The following PSMB9 variants were observed in gnomAD, a reference collection of about 807,000 sequenced individuals.
PSMB9 encodes the protein proteasome 20S subunit beta 9, also known as proteasome subunit beta type-9.
PSMB9 carries 16 observed loss-of-function variants against 26.9 expected under a neutral mutation model. The ratio of observed to expected loss-of-function variants is 0.59; its 90% CI spans 0.40 to 0.90. The LOEUF is 0.90. Ranked by LOEUF, PSMB9 falls within the 40% of genes least tolerant of loss-of-function variation. The pLI is 0.00. For synonymous variants in PSMB9, 91 were observed against 112.0 expected, an observed-to-expected ratio of 0.81 and a Z score of 1.18; for missense variants, 253 against 292.2, an observed-to-expected ratio of 0.87 and a Z score of 0.98.
intron 2 of PSMB9, chr6:32,856,436 A>T (rs1771164686): frequency 2.0e-6 from 1 of 506,728 alleles, no homozygotes; most frequent in South Asian, 3.0e-5. Context: ...GTGTACAGGG[A>T]TGAGTAAAGG....
Position 32,859,668 on chromosome 6 carries a change from C to A in PSMB9, c.*136C>A. The A allele has an allele frequency of 2.0e-6, 2 of 1,001,588 alleles. No homozygotes were observed. Among genetic ancestry groups the A allele is most frequent in the Non-Finnish European group, 2.9e-6 (2 of 692,680 alleles). The allele number at this position is 1,001,588 out of a possible 1,614,324, so 62.0% of individuals were successfully genotyped here. A position where few individuals can be genotyped will look rare whatever the true frequency, so the allele number is the denominator to read the frequency against. ...TGCTTCCCTCCTAGATGTCAGCATA[C>A]ACTCTTTCTTCTTTTGTCCCAGGTC... On this transcript the variant is annotated 3_prime_UTR_variant, in exon 6 of 6. Coordinates refer to ENST00000374859, the MANE Select transcript of PSMB9 (RefSeq NM_002800.5).
intron 1 of PSMB9, among the ~76,000 whole-genome samples, chr6:32,855,685 T>C (rs1771127044): frequency 6.7e-6 from 1 of 148,238 alleles, no homozygotes; most frequent in Non-Finnish European, 1.5e-5. Context: ...GAGTGGAGGA[T>C]TGTGGACCAA....
intron 2 of PSMB9, chr6:32,856,538 A>G (rs1771169141): frequency 7.0e-6 from 2 of 284,168 alleles, no homozygotes; most frequent in East Asian, 6.4e-5. Context: ...TGTCAAGCAG[A>G]TACCTGGTTT....
Position 32,858,233 on chromosome 6 carries a change from A to C in PSMB9, c.390+99A>C. ...CATTCTAGCAATGAGTTCCAAGGACACTACCTCTGAAAGCATAGTACTTTG... is the reference window on the plus strand; with the variant it reads ...CATTCTAGCAATGAGTTCCAAGGACCCTACCTCTGAAAGCATAGTACTTTG... On this transcript the variant is annotated intron_variant, in intron 4 of 5. Coordinates refer to ENST00000374859, the MANE Select transcript of PSMB9 (RefSeq NM_002800.5). The surrounding 1 kb of genome is among the most constrained non-coding windows in gnomAD (Gnocchi z 5.2). The C allele has an allele frequency of 6.3e-7, 1 of 1,593,926 alleles. No homozygotes were observed. Among genetic ancestry groups the C allele is most frequent in the Non-Finnish European group, 8.6e-7 (1 of 1,167,654 alleles).
chr6:32,857,833 C>T (rs1324199543), intron 3 of PSMB9, 172 bp from the exon 4 acceptor site: 16 of 717,854 alleles, frequency 2.2e-5, no homozygotes, highest in Non-Finnish European at 3.4e-5. Context: ...TTGAAAGCTT[C>T]TTACCAGTTG....
Position 32,859,390 on chromosome 6 carries a change from T to C in PSMB9, c.533-15T>C. On this transcript the variant is annotated splice_polypyrimidine_tract_variant and intron_variant, in intron 5 of 5. Coordinates refer to ENST00000374859, the MANE Select transcript of PSMB9 (RefSeq NM_002800.5). Reference sequence around the variant, plus strand: ...ATCCTCTCTCTCCCTCTCTCCAACTTGAAACCCTCTGCAGCTATTGCTCTG... The same window carrying C: ...ATCCTCTCTCTCCCTCTCTCCAACTCGAAACCCTCTGCAGCTATTGCTCTG... 6.2e-7 allele frequency: 1 copy of C among 1,601,604 alleles called. No homozygotes were observed. Among genetic ancestry groups the C allele is most frequent in the Non-Finnish European group, 8.5e-7 (1 of 1,173,842 alleles).
chr6:32,857,611 G>C (rs1403833935), intron 3 of PSMB9: 9 of 550,206 alleles, frequency 1.6e-5, no homozygotes, highest in Non-Finnish European at 2.5e-5. Flanking sequence ...CATTCTATAT[G>C]TGAACACAGT....
chr6:32,858,835 G>A lies in PSMB9; in HGVS notation c.532+330G>A. ...GGATTACTTGAGCCCAGGAGTTTGAGGCCAGCCTAGGCAAGATGGTGAAAC... is the reference window on the plus strand; with the variant it reads ...GGATTACTTGAGCCCAGGAGTTTGAAGCCAGCCTAGGCAAGATGGTGAAAC... On this transcript the variant is annotated intron_variant, in intron 5 of 5. Transcript: ENST00000374859. The surrounding 1 kb of genome is among the most constrained non-coding windows in gnomAD (Gnocchi z 5.2). 1 of 416,338 alleles carries A rather than the reference G, an allele frequency of 2.4e-6. No homozygotes were observed. The allele number at this position is 416,338 out of a possible 1,614,324, so 25.8% of individuals were successfully genotyped here.
At chr6:32,859,238 C>G (rs1255722126) in intron 5 of PSMB9, among the ~76,000 whole-genome samples, 167 bp from the exon 6 acceptor site, 1 of 152,140 alleles carries the variant, frequency 6.6e-6, no homozygotes, top group Non-Finnish European at 1.5e-5. Context: ...ATATGGAAGC[C>G]TTTTTGTAAA....
chr6:32,856,355 G>A, intron 2 of PSMB9, 150 bp downstream of exon 2: 1 of 738,200 alleles, frequency 1.4e-6, no homozygotes, highest in Non-Finnish European at 2.2e-6. Flanking sequence ...AAGCTATTTG[G>A]TGGGTGCTTG....
intron 2 of PSMB9, 150 bp from the exon 3 acceptor site, chr6:32,857,113 T>C (rs776714849): frequency 1.1e-5 from 8 of 730,480 alleles, no homozygotes; most frequent in Non-Finnish European, 1.6e-5. Flanking sequence ...GGCAGGAGAA[T>C]CACTTGAACC....
chr6:32,857,208 A>AC (rs1245135220), intron 2 of PSMB9, 55 bp from the exon 3 acceptor site: 11 of 1,507,204 alleles, frequency 7.3e-6, no homozygotes, highest in Non-Finnish European at 9.7e-6. Flanking sequence ...CAAAAAAAAA[A>AC]AAAAAAAAAA....
chr6:32,857,219 A>AGCC, intron 2 of PSMB9, 44 bp from the exon 3 acceptor site: 1 of 1,486,416 alleles, frequency 6.7e-7, no homozygotes, highest in Non-Finnish European at 8.9e-7. Flanking sequence ...AAAAAAAAAA[A>AGCC]AACCTGAGTT....
intron 2 of PSMB9, 45 bp from the exon 3 acceptor site, chr6:32,857,218 A>AAAAAAAAC: frequency 2.1e-6 from 3 of 1,426,240 alleles, no homozygotes; most frequent in Admixed American, 2.3e-5. Context: ...AAAAAAAAAA[A>AAAAAAAAC]AAACCTGAGT....
At position 32,857,992 on chromosome 6, in the gene PSMB9, A is replaced by T. The variant is rs769325111; in HGVS notation, c.261-13A>T. The T allele has an allele frequency of 1.4e-5, 23 of 1,612,956 alleles. 1 individual carries two copies. Among genetic ancestry groups the T allele is most frequent in the Admixed American group, 3.3e-5 (2 of 60,006 alleles). On this transcript the variant is annotated splice_polypyrimidine_tract_variant and intron_variant, in intron 3 of 5. Transcript: ENST00000374859. ...AAAATTCTATCAACCTTTATTCCTA[A>T]TATTTCCCTCAGGATAGAACTGGAG...
At position 32,854,371 on chromosome 6, in the gene PSMB9, G is replaced by C; in HGVS notation, c.60+82G>C. 1.5e-6 allele frequency: 2 copies of C among 1,345,216 alleles called. No homozygotes were observed. Among genetic ancestry groups the C allele is most frequent in the Non-Finnish European group, 2.0e-6 (2 of 1,016,594 alleles). The allele number at this position is 1,345,216 out of a possible 1,614,324, so 83.3% of individuals were successfully genotyped here. ...GGACCCTGGAAGCGCGCGCGGAGAA[G>C]TGAATGCAGAGACCAACGGGAGCGC... On this transcript the variant is annotated intron_variant, in intron 1 of 5. Transcript: ENST00000374859. This position sits in a 1 kb window ranked among gnomAD's most constrained non-coding sequence, Gnocchi z 4.6.
In PSMB9 at chr6:32,858,222, G is replaced by A. The variant is rs1771258847; in HGVS notation, c.390+88G>A. 1.3e-6 allele frequency: 2 copies of A among 1,596,534 alleles called. No homozygotes were observed. Among genetic ancestry groups the A allele is most frequent in the Admixed American group, 1.7e-5 (1 of 58,942 alleles). On this transcript the variant is annotated intron_variant, in intron 4 of 5. Coordinates refer to ENST00000374859, the MANE Select transcript of PSMB9 (RefSeq NM_002800.5). The surrounding 1 kb of genome is among the most constrained non-coding windows in gnomAD (Gnocchi z 5.2). Reference sequence around the variant, plus strand: ...AAGTCCTATGTCATTCTAGCAATGAGTTCCAAGGACACTACCTCTGAAAGC... The same window carrying A: ...AAGTCCTATGTCATTCTAGCAATGAATTCCAAGGACACTACCTCTGAAAGC...
In PSMB9 at chr6:32,858,829, G is replaced by A. The variant is rs984238205; in HGVS notation, c.532+324G>A. 27 of 426,632 alleles carry A rather than the reference G, an allele frequency of 6.3e-5. No homozygotes were observed. In the East Asian group the frequency reaches 1.3e-3, roughly 20 times the overall value. 26.4% of individuals were successfully genotyped at this position (426,632 alleles called of 1,614,324 possible). The stretch of plus-strand genomic sequence containing the variant: ...GCAGGAGGATTACTTGAGCCCAGGA[G>A]TTTGAGGCCAGCCTAGGCAAGATGG... On this transcript the variant is annotated intron_variant, in intron 5 of 5. Coordinates refer to ENST00000374859, the MANE Select transcript of PSMB9 (RefSeq NM_002800.5). The surrounding 1 kb of genome is among the most constrained non-coding windows in gnomAD (Gnocchi z 5.2).
At chr6:32,857,449 T>G (rs907839486) in intron 3 of PSMB9, 55 bp downstream of exon 3, 1 of 1,580,334 alleles carries the variant, frequency 6.3e-7, no homozygotes, top group Non-Finnish European at 8.6e-7. Flanking sequence ...CCAACCTGCA[T>G]GAATCCCTGT....
Sources: gnomAD v4.1 joint callset for allele counts (sites outside exome capture counted in the v4.1 genomes callset) on GRCh38, gnomAD v4.1.1 for gene constraint, Gnocchi (gnomAD v3.1) non-coding constraint, MANE v1.5 for transcripts, NCBI Gene and HGNC (gene_info 2026-07-23, HGNC 2026-07-21) for gene names.